The following CAPN13 variants were observed in gnomAD, a reference collection of about 807,000 sequenced individuals.
CAPN13 encodes calpain-13.
CAPN13 carries 90 observed loss-of-function variants against 98.4 expected under a neutral mutation model. The observed-to-expected ratio is 0.92, with a 90% CI of 0.77 to 1.09. The LOEUF is 1.09. CAPN13 is among the 50% of genes least tolerant of loss of function. The pLI, the probability that CAPN13 is intolerant of heterozygous loss-of-function variation, is 0.00. For synonymous variants in CAPN13, 330 were observed against 305.5 expected, an observed-to-expected ratio of 1.08 and a Z score of -0.84; for missense variants, 887 against 841.3, an observed-to-expected ratio of 1.05 and a Z score of -0.67.
chr2:30,771,154 C>T (rs1052778489), intron 4 of CAPN13, among the ~76,000 whole-genome samples: 2 of 152,238 alleles, frequency 1.3e-5, no homozygotes, highest in Non-Finnish European at 2.9e-5. Context: ...GAATCTTTAG[C>T]ATTCAACTCT....
chr2:30,747,320 C>G (rs1045206878), intron 11 of CAPN13, among the ~76,000 whole-genome samples: 1 of 152,190 alleles, frequency 6.6e-6, no homozygotes, highest in Non-Finnish European at 1.5e-5. Context: ...ATCGGGGAAG[C>G]TGTGCTGCTT....
chr2:30,765,499 C>G (rs1396513175), intron 5 of CAPN13, among the ~76,000 whole-genome samples: 1 of 152,226 alleles, frequency 6.6e-6, no homozygotes, highest in Non-Finnish European at 1.5e-5. Context: ...CAAAATCACA[C>G]ATGATCAGGA....
At chr2:30,804,644 A>G (rs13385578) in intron 1 of CAPN13, among the ~76,000 whole-genome samples, 51,947 of 152,058 alleles carry the variant, frequency 0.34, 9,190 homozygotes, top group African/African-American at 0.4. Flanking sequence ...GCTTTAGGAA[A>G]CACTTGACCA....
chr2:30,756,199 T>C (rs1324207722), intron 8 of CAPN13, among the ~76,000 whole-genome samples: 2 of 152,168 alleles, frequency 1.3e-5, no homozygotes, highest in African/African-American at 4.8e-5. Flanking sequence ...AAATCCAGAC[T>C]TCCGGCATCA....
rs369160119 is a variant in CAPN13, at chr2:30,732,420, C to A, written c.1927+18G>T. Reference sequence around the variant, plus strand: ...GGTCACTGCCAAGGTCTCTGGGATGCCCCTTGGGGACACTTACTTGCCATG... The same window carrying A: ...GGTCACTGCCAAGGTCTCTGGGATGACCCTTGGGGACACTTACTTGCCATG... On this transcript the variant is annotated intron_variant, in intron 20 of 22. Transcript: ENST00000295055. 5.0e-6 allele frequency: 8 copies of A among 1,612,392 alleles called. No homozygotes were observed. The African/African-American group carries it at 1.1e-4, about 22-fold the overall frequency.
intron 1 of CAPN13, among the ~76,000 whole-genome samples, 199 bp from the exon 2 acceptor site, chr2:30,787,556 T>C (rs1053388476): frequency 1.3e-5 from 2 of 152,208 alleles, no homozygotes; most frequent in Non-Finnish European, 2.9e-5. Context: ...TTCAAGCTGC[T>C]GTACAAAACA....
intron 11 of CAPN13, 80 bp downstream of exon 11, chr2:30,751,023 G>C (rs1672147669): frequency 1.3e-6 from 2 of 1,488,016 alleles, no homozygotes; most frequent in Non-Finnish European, 1.8e-6. Flanking sequence ...AAATCTCCCA[G>C]CCTGGCCAGA....
chr2:30,730,611 T>A (rs897318963), intron 22 of CAPN13, 119 bp downstream of exon 22: 2 of 634,198 alleles, frequency 3.2e-6, no homozygotes, highest in Non-Finnish European at 5.7e-6. Flanking sequence ...TTCACTTATG[T>A]AAGGGTCTGT....
chr2:30,743,016 C>T, intron 13 of CAPN13: 1 of 272,946 alleles, frequency 3.7e-6, no homozygotes, highest in African/African-American at 2.2e-5. Flanking sequence ...CTTTTTTCTT[C>T]TACCTACCTT....
intron 22 of CAPN13, among the ~76,000 whole-genome samples, chr2:30,726,515 A>G (rs1017768974): frequency 6.6e-6 from 1 of 152,234 alleles, no homozygotes; most frequent in East Asian, 1.9e-4. Flanking sequence ...TGGAACTAAT[A>G]AACAAGTTTA....
intron 5 of CAPN13, among the ~76,000 whole-genome samples, chr2:30,768,318 C>A (rs920558725): frequency 6.6e-6 from 1 of 152,208 alleles, no homozygotes; most frequent in African/African-American, 2.4e-5. Flanking sequence ...AAGACAGAGG[C>A]ACAAGGCCAG....
At chr2:30,764,654 A>G (rs894997367) in intron 5 of CAPN13, among the ~76,000 whole-genome samples, 1 of 152,144 alleles carries the variant, frequency 6.6e-6, no homozygotes, top group Non-Finnish European at 1.5e-5. Context: ...AATGAGCTTC[A>G]TGGGGCTATG....
chr2:30,796,198 G>A (rs1326950583), intron 1 of CAPN13, among the ~76,000 whole-genome samples: 1 of 132,712 alleles, frequency 7.5e-6, no homozygotes, highest in Non-Finnish European at 1.5e-5. Flanking sequence ...ATATATGTGT[G>A]TGTATATATA....
intron 18 of CAPN13, among the ~76,000 whole-genome samples, 199 bp downstream of exon 18, chr2:30,736,304 C>T (rs1176987762): frequency 6.6e-6 from 1 of 152,172 alleles, no homozygotes; most frequent in Admixed American, 6.5e-5. Flanking sequence ...TCCCTCATTC[C>T]GCCACCTAAT....
At chr2:30,728,706 G>A (rs780814330) in intron 22 of CAPN13, among the ~76,000 whole-genome samples, 12 of 152,302 alleles carry the variant, frequency 7.9e-5, no homozygotes, top group South Asian at 2.1e-4. Flanking sequence ...ACATTGAAGC[G>A]TTTTTAAGCC....
intron 22 of CAPN13, among the ~76,000 whole-genome samples, chr2:30,729,084 G>A (rs1670966656): frequency 6.6e-6 from 1 of 152,184 alleles, no homozygotes; most frequent in South Asian, 2.1e-4. Context: ...ATTCAATCAG[G>A]CCCTTGAGAA....
At chr2:30,760,568 G>A (rs2922063) in intron 7 of CAPN13, among the ~76,000 whole-genome samples, 129,666 of 152,200 alleles carry the variant, frequency 0.85, 56,014 homozygotes, top group Non-Finnish European at 0.92. Flanking sequence ...AAAAAATGCC[G>A]ATTTCATTTA....
chr2:30,766,884 G>A (rs1673140430), intron 5 of CAPN13, among the ~76,000 whole-genome samples: 1 of 152,202 alleles, frequency 6.6e-6, no homozygotes, highest in Non-Finnish European at 1.5e-5. Context: ...CTCCCCAGCT[G>A]CAAGGAGAAT....
intron 4 of CAPN13, among the ~76,000 whole-genome samples, chr2:30,773,005 T>C (rs1673490898): frequency 6.6e-6 from 1 of 152,116 alleles, no homozygotes. Context: ...TTTGTATTTT[T>C]AGTAGAGATG....
Sources: gnomAD v4.1 joint callset for allele counts (sites outside exome capture counted in the v4.1 genomes callset) on GRCh38, gnomAD v4.1.1 for gene constraint, MANE v1.5 for transcripts, NCBI Gene and HGNC (gene_info 2026-07-23, HGNC 2026-07-21) for gene names.